Variants in COBL observed in about 807,000 individuals in gnomAD.
COBL encodes cordon-bleu WH2 repeat protein.
In COBL, 51 loss-of-function variants were observed where a neutral mutation model predicts 98.8. That is an observed-to-expected ratio of 0.52 (90% CI 0.41 to 0.65). The LOEUF (loss-of-function observed/expected upper bound fraction) is 0.65, where lower values mean the gene tolerates loss of function less well. COBL is among the 30% of genes least tolerant of loss of function. The pLI is 0.00. For synonymous variants in COBL, 634 were observed against 651.7 expected (o/e 0.97, Z 0.41); for missense variants, 1,617 against 1,617.5 (o/e 1.00, Z 0.01).
At chr7:51,303,931 C>A (rs1419444097) in intron 1 of COBL, among the ~76,000 whole-genome samples, 1 of 152,176 alleles carries the variant, frequency 6.6e-6, no homozygotes, top group Non-Finnish European at 1.5e-5. Flanking sequence ...ACTGCATGCA[C>A]ACCAACACTA....
chr7:51,268,913 G>A (rs1159100550), intron 1 of COBL, among the ~76,000 whole-genome samples: 2 of 142,818 alleles, frequency 1.4e-5, no homozygotes, highest in African/African-American at 5.2e-5. Context: ...CTGGGTGACA[G>A]AGTGAGACCC....
chr7:51,115,494 T>A (rs1463679811), intron 6 of COBL, among the ~76,000 whole-genome samples: 1 of 152,192 alleles, frequency 6.6e-6, no homozygotes, highest in Non-Finnish European at 1.5e-5. Flanking sequence ...TCAAAATAGT[T>A]TCTAATTTCC....
Position 51,028,767 on chromosome 7 carries a change from C to A in COBL, c.2329G>T (p.Glu777Ter), listed in dbSNP as rs1787862893. ...TCTGAGGGTCGGCCCAGGTGTTTTT[C>A]CACAGAGTTGCACCTCCAGAACTCT... ...VREFWRCNSVEKHLGRPSESS... is the reference protein window; with the variant it reads ...VREFWRCNSV Residue 777 changes from glutamate (E) to a stop codon, truncating the protein, a stop_gained, in exon 10 of 13, where the codon GAA becomes TAA. Coordinates refer to ENST00000265136, the MANE Select transcript of COBL (RefSeq NM_015198.5). LOFTEE classifies it high-confidence loss of function. 6.2e-7 allele frequency: 1 copy of A among 1,614,082 alleles called. No individual in the cohort carries two copies. Among genetic ancestry groups the A allele is most frequent in the Admixed American group, 1.7e-5 (1 of 60,012 alleles).
intron 7 of COBL, among the ~76,000 whole-genome samples, chr7:51,045,154 T>C (rs1789570767): frequency 6.6e-6 from 1 of 152,182 alleles, no homozygotes; most frequent in African/African-American, 2.4e-5. Context: ...TCTCTTGCCT[T>C]CCCTTTTGCT....
In COBL at chr7:51,028,043, C is replaced by A. The variant is rs1171386292; in HGVS notation, c.3053G>T (p.Gly1018Val). The A allele has an allele frequency of 1.9e-6, 3 of 1,608,742 alleles. No homozygotes were observed. Among genetic ancestry groups the A allele is most frequent in the South Asian group, 1.1e-5 (1 of 89,638 alleles). ...TGTGTGTGGAGGGGGTGGGTCTGTA[C>A]CATCAGGTGCGCGTCTGGGCTCAGA... ...SASEPRRAPDGTDPPPPHTSD... is the reference protein window; with the variant it reads ...SASEPRRAPDVTDPPPPHTSD... Residue 1018 changes from glycine (G) to valine (V), a missense_variant, in exon 10 of 13, where the codon GGT (glycine) becomes GTT (valine). Physicochemically the swap from Gly to Val is moderately radical, Grantham distance 109 (BLOSUM62 -3). Coordinates refer to ENST00000265136, the MANE Select transcript of COBL (RefSeq NM_015198.5).
intron 6 of COBL, among the ~76,000 whole-genome samples, chr7:51,102,912 G>A (rs2128964778): frequency 6.6e-6 from 1 of 152,302 alleles, no homozygotes; most frequent in Non-Finnish European, 1.5e-5. Flanking sequence ...GGGGAAGAGG[G>A]AAATGGGAGT....
At chr7:51,114,836 A>G (rs533735496) in intron 6 of COBL, among the ~76,000 whole-genome samples, 1 of 152,278 alleles carries the variant, frequency 6.6e-6, no homozygotes, top group East Asian at 1.9e-4. Flanking sequence ...TATTGTATGG[A>G]TTTGTTTACT....
At chr7:51,094,814 A>C (rs947319443) in intron 6 of COBL, among the ~76,000 whole-genome samples, 1 of 152,224 alleles carries the variant, frequency 6.6e-6, no homozygotes, top group Non-Finnish European at 1.5e-5. Context: ...ATAAGTATAA[A>C]ACTGTGAATA....
chr7:51,200,517 C>T lies in COBL; in HGVS notation c.246-6928G>A, dbSNP rs547491264. On this transcript the variant is annotated intron_variant, in intron 2 of 12. Transcript: ENST00000265136. ...TGGGAGGGGGAAGTAAACTGTAGAG[C>T]GCCTGTATATGATTGAAGTGAAGTG... 1.0e-3 allele frequency among the ~76,000 whole-genome samples: 159 copies of T among 152,220 alleles called. 1 individual carries two copies. The highest frequency in any genetic ancestry group is 2.1e-3 in the Non-Finnish European group (140 of 68,016).
At chr7:51,203,915 CA>C (rs1245070624) in intron 2 of COBL, among the ~76,000 whole-genome samples, 1 of 151,980 alleles carries the variant, frequency 6.6e-6, no homozygotes, top group Admixed American at 6.6e-5. Flanking sequence ...TCAAAGATCC[CA>C]AAATAAAAGA....
chr7:51,129,406 C>CATT (rs1798528562), intron 6 of COBL, among the ~76,000 whole-genome samples: 1 of 151,972 alleles, frequency 6.6e-6, no homozygotes, highest in Non-Finnish European at 1.5e-5. Flanking sequence ...ACTCCCCAAA[C>CATT]ATTATCATGT....
chr7:51,024,085 G>A (rs1048753561), intron 12 of COBL, among the ~76,000 whole-genome samples: 6 of 152,074 alleles, frequency 3.9e-5, no homozygotes, highest in Admixed American at 2.0e-4. Flanking sequence ...CGAGACAGGC[G>A]GATCATGAGG....
At position 51,214,608 on chromosome 7, in the gene COBL, A is replaced by C. The variant is rs546757954; in HGVS notation, c.245+5133T>G. On this transcript the variant is annotated intron_variant, in intron 2 of 12. Coordinates refer to ENST00000265136, the MANE Select transcript of COBL (RefSeq NM_015198.5). ...GCCTTCTGTGTCCAGATTATAAGCA[A>C]GTTAGTTGTTTTCTATGTGATTCTC... is the stretch of plus-strand genomic sequence containing the variant. Among the ~76,000 whole-genome samples, 5 of 152,228 alleles carry C rather than the reference A, an allele frequency of 3.3e-5. No individual in the cohort carries two copies. In the East Asian group the frequency reaches 9.7e-4, roughly 29 times the overall value.
intron 1 of COBL, among the ~76,000 whole-genome samples, chr7:51,293,729 T>A (rs1275123764): frequency 6.6e-6 from 1 of 152,092 alleles, no homozygotes; most frequent in Non-Finnish European, 1.5e-5. Context: ...ACCTTCTCAA[T>A]CACAAAGAGG....
At chr7:51,251,508 T>G (rs546675873) in intron 1 of COBL, among the ~76,000 whole-genome samples, 37 of 151,400 alleles carry the variant, frequency 2.4e-4, no homozygotes, top group Non-Finnish European at 3.4e-4. Flanking sequence ...TGCTCCTAGC[T>G]TACAAAAGTT....
intron 5 of COBL, among the ~76,000 whole-genome samples, chr7:51,166,178 A>AT (rs1170075213): frequency 6.6e-6 from 1 of 151,922 alleles, no homozygotes; most frequent in Non-Finnish European, 1.5e-5. Flanking sequence ...CAAAACGTTG[A>AT]TTTTTTAAAA....
At chr7:51,132,546 A>C (rs1430617048) in intron 6 of COBL, among the ~76,000 whole-genome samples, 4 of 152,214 alleles carry the variant, frequency 2.6e-5, no homozygotes, top group Non-Finnish European at 5.9e-5. Flanking sequence ...GAGCAGAACA[A>C]GTGAGGAAAC....
intron 5 of COBL, among the ~76,000 whole-genome samples, chr7:51,179,073 T>C (rs534430579): frequency 9.3e-4 from 141 of 152,374 alleles, no homozygotes; most frequent in Middle Eastern, 3.4e-3. Context: ...CAAATTCTAA[T>C]GAGTCTTTCT....
intron 2 of COBL, among the ~76,000 whole-genome samples, chr7:51,194,794 T>G (rs1328511570): frequency 6.6e-6 from 1 of 152,200 alleles, no homozygotes; most frequent in Non-Finnish European, 1.5e-5. Context: ...CTTTGCCCAC[T>G]TTTTCTTTTT....
Sources: allele counts gnomAD v4.1 joint callset (sites outside exome capture counted in the v4.1 genomes callset), GRCh38; gene constraint gnomAD v4.1.1; transcripts MANE v1.5; gene names NCBI Gene and HGNC (gene_info 2026-07-23, HGNC 2026-07-21).